Variants in TANC2 observed in about 807,000 individuals in gnomAD.
TANC2 encodes protein TANC2.
Under a neutral mutation model 210.5 loss-of-function variants are expected in TANC2, and 26 were observed. That is an observed-to-expected ratio of 0.12 (90% CI 0.09 to 0.17). TANC2 has a LOEUF of 0.17. Ranked by LOEUF, TANC2 falls within the 10% of genes least tolerant of loss-of-function variation. The pLI is 1.00. For missense variants in TANC2, 2,129 were observed against 2,608.9 expected (o/e 0.82, Z 4.01); for synonymous variants, 931 against 967.1 (o/e 0.96, Z 0.69).
exon 12 of TANC2, chr17:63,340,150 T>C (rs2046178581): frequency 1.2e-6 from 2 of 1,613,956 alleles, no homozygotes; most frequent in Non-Finnish European, 1.7e-6. Context: ...ACTTGCTTGG[T>C]GCCAGAATTT....
chr17:63,345,560 A>G lies in TANC2; in HGVS notation c.1807+5228A>G, dbSNP rs1438641294. Among the ~76,000 whole-genome samples the G allele has an allele frequency of 2.0e-5, 3 of 147,746 alleles. No individual in the cohort carries two copies. In the Admixed American group the frequency reaches 2.0e-4, roughly 10 times the overall value. On this transcript the variant is annotated intron_variant, in intron 12 of 27. Transcript: ENST00000689528. ...CTTGAACCCGGGAGGTGGAGGTTGC[A>G]GTGAGCTGAGATCATGCCATTGCAC...
At chr17:63,162,471 A>C (rs1321054388) in intron 5 of TANC2, among the ~76,000 whole-genome samples, 1 of 152,172 alleles carries the variant, frequency 6.6e-6, no homozygotes, top group Non-Finnish European at 1.5e-5. Flanking sequence ...AACTAGAATA[A>C]ATTTCAGTTT....
At chr17:63,306,022 G>A (rs1035484977) in intron 9 of TANC2, among the ~76,000 whole-genome samples, 18 of 152,194 alleles carry the variant, frequency 1.2e-4, no homozygotes, top group African/African-American at 4.1e-4. Flanking sequence ...GCAGAAAACT[G>A]CACCTTTGGA....
In TANC2 at chr17:63,412,589, C is replaced by T; in HGVS notation, c.3899-91C>T. On this transcript the variant is annotated intron_variant, in intron 23 of 27. Coordinates refer to ENST00000689528, the Ensembl canonical transcript of TANC2. The surrounding 1 kb of genome is among the most constrained non-coding windows in gnomAD (Gnocchi z 4.2). ...TGCTGGCTTTGTGCTGCCTGCCTCT[C>T]ACTGCTGCTTTTTCCTTCTTTTTTT... is the stretch of plus-strand genomic sequence containing the variant. The T allele has an allele frequency of 7.9e-7, 1 of 1,266,622 alleles. No homozygotes were observed. The highest frequency in any genetic ancestry group is 1.3e-5 in the South Asian group (1 of 76,804). 78.5% of individuals were successfully genotyped at this position (1,266,622 alleles called of 1,614,324 possible). A position where few individuals can be genotyped will look rare whatever the true frequency, so the allele number is the denominator to read the frequency against.
In TANC2 at chr17:63,411,502, C is replaced by T. The variant is rs747975727; in HGVS notation, c.3590-9C>T. ...CTCCTCAGCCCTGTGCTATCACTTG[C>T]CTTTGCAGGTGCCTCCATTGCTCTT... On this transcript the variant is annotated splice_polypyrimidine_tract_variant and intron_variant, in intron 21 of 27. Coordinates refer to ENST00000689528, the Ensembl canonical transcript of TANC2. 1.2e-6 allele frequency: 2 copies of T among 1,603,914 alleles called. No individual in the cohort carries two copies. Among genetic ancestry groups the T allele is most frequent in the South Asian group, 1.1e-5 (1 of 88,908 alleles).
chr17:63,194,056 C>T (rs1216857524), exon 6 of TANC2: 6 of 1,613,094 alleles, frequency 3.7e-6, no homozygotes, highest in Admixed American at 1.7e-5. Flanking sequence ...ACTCATGACT[C>T]GTCTGGGTTT....
chr17:63,386,581 C>A (rs917971716), intron 15 of TANC2, among the ~76,000 whole-genome samples: 1 of 152,090 alleles, frequency 6.6e-6, no homozygotes, highest in African/African-American at 2.4e-5. Flanking sequence ...TTTGTAAATA[C>A]ATTTTAAATT....
intron 11 of TANC2, among the ~76,000 whole-genome samples, chr17:63,321,322 T>C (rs1229596382): frequency 6.6e-6 from 1 of 152,250 alleles, no homozygotes; most frequent in Non-Finnish European, 1.5e-5. Context: ...AACATTACTT[T>C]CCAATCCTTT....
At chr17:63,413,357 A>C in intron 24 of TANC2, 186 bp from the exon 25 acceptor site, 1 of 519,640 alleles carries the variant, frequency 1.9e-6, no homozygotes, top group East Asian at 3.1e-5. Context: ...AGGTGAATAC[A>C]AATCCAATGC....
chr17:63,272,564 G>A (rs573119558), intron 9 of TANC2, among the ~76,000 whole-genome samples: 31 of 152,138 alleles, frequency 2.0e-4, no homozygotes, highest in Admixed American at 8.5e-4. Flanking sequence ...CCATTTTAAC[G>A]ACATTGATTC....
rs528891200 is a variant in TANC2, at chr17:63,148,597, A to G, written c.323-2673A>G. Reference sequence around the variant, plus strand: ...ATCGATGTTCCCAGTGTCAGTTCCAATCACTTATTTGTGCAGTAGTTTCTG... The same window carrying G: ...ATCGATGTTCCCAGTGTCAGTTCCAGTCACTTATTTGTGCAGTAGTTTCTG... On this transcript the variant is annotated intron_variant, in intron 4 of 27. Coordinates refer to ENST00000689528, the Ensembl canonical transcript of TANC2. The G allele has an allele frequency of 5.3e-5, 8 of 152,260 alleles. No individual in the cohort carries two copies. In the East Asian group the frequency reaches 9.7e-4, roughly 18 times the overall value. 9.4% of individuals were successfully genotyped at this position (152,260 alleles called of 1,614,324 possible).
chr17:63,386,998 A>T (rs960074042), intron 15 of TANC2, among the ~76,000 whole-genome samples: 1 of 151,936 alleles, frequency 6.6e-6, no homozygotes, highest in Non-Finnish European at 1.5e-5. Context: ...GACCACAGGC[A>T]TGCACCAGCA....
At chr17:63,032,940 A>G (rs1041703970) in intron 2 of TANC2, among the ~76,000 whole-genome samples, 1 of 152,168 alleles carries the variant, frequency 6.6e-6, no homozygotes, top group African/African-American at 2.4e-5. Flanking sequence ...TATAATTTCT[A>G]GGTGCCCATG....
In TANC2 at chr17:62,966,485, G is replaced by A. The variant is rs1387423032; in HGVS notation, c.-288G>A. 1.3e-5 allele frequency among the ~76,000 whole-genome samples: 2 copies of A among 148,664 alleles called. No individual in the cohort carries two copies. The highest frequency in any genetic ancestry group is 4.9e-5 in the African/African-American group (2 of 41,066). On this transcript the variant is annotated 5_prime_UTR_variant, in exon 1 of 28. Transcript: ENST00000689528. The surrounding 1 kb of genome is among the most constrained non-coding windows in gnomAD (Gnocchi z 5.1). ...CCGGCTGTGCCGCGCGCTAGGCGGA[G>A]CGAGGCGCCCGCCGCCGCCGAGCCG...
chr17:63,211,851 A>AG (rs1434235663), intron 7 of TANC2, among the ~76,000 whole-genome samples: 1 of 152,170 alleles, frequency 6.6e-6, no homozygotes, highest in Non-Finnish European at 1.5e-5. Context: ...AGGGAATGAA[A>AG]GGCTCACCTG....
intron 5 of TANC2, among the ~76,000 whole-genome samples, chr17:63,161,765 C>T (rs1234252419): frequency 6.6e-6 from 1 of 152,114 alleles, no homozygotes; most frequent in African/African-American, 2.4e-5. Flanking sequence ...CTGTCATCAC[C>T]AGATTTACTT....
At chr17:63,336,284 A>G (rs2046025096) in intron 11 of TANC2, among the ~76,000 whole-genome samples, 1 of 152,266 alleles carries the variant, frequency 6.6e-6, no homozygotes, top group South Asian at 2.1e-4. Context: ...TTTAAGTGAT[A>G]CAAATGCCAG....
intron 1 of TANC2, among the ~76,000 whole-genome samples, chr17:63,002,655 C>T (rs1393875465): frequency 6.6e-6 from 1 of 152,084 alleles, no homozygotes; most frequent in African/African-American, 2.4e-5. Context: ...AAGTTGATCC[C>T]CATATCTACC....
chr17:63,323,121 A>G (rs920334129), intron 11 of TANC2, among the ~76,000 whole-genome samples: 7 of 152,250 alleles, frequency 4.6e-5, no homozygotes, highest in African/African-American at 1.7e-4. Flanking sequence ...CTGCTCACCT[A>G]TAGCAAACCA....
Sources: allele counts gnomAD v4.1 joint callset (sites outside exome capture counted in the v4.1 genomes callset), GRCh38; gene constraint gnomAD v4.1.1; non-coding constraint Gnocchi (gnomAD v3.1); transcripts MANE v1.5; gene names NCBI Gene and HGNC (gene_info 2026-07-23, HGNC 2026-07-21).